The following CELSR3 variants were observed in gnomAD, a reference collection of about 807,000 sequenced individuals.
The protein encoded by CELSR3 is EGF-like protein 1.
In CELSR3, 73 loss-of-function variants were observed where a neutral mutation model predicts 270.0. That is an observed-to-expected ratio of 0.27 (90% CI 0.22 to 0.33). The LOEUF (loss-of-function observed/expected upper bound fraction) is 0.33, where lower values mean the gene tolerates loss of function less well. Ranked by LOEUF, CELSR3 falls within the 10% of genes least tolerant of loss-of-function variation. The probability of loss-of-function intolerance (pLI) is 1.00; values close to 1 mark genes in which losing one functional copy is unlikely to be tolerated. For synonymous variants in CELSR3, 1,780 were observed against 1,905.4 expected (o/e 0.93, Z 1.71); for missense variants, 3,614 against 4,533.8 (o/e 0.80, Z 5.83).
At position 48,657,343 on chromosome 3, in the gene CELSR3, G is replaced by A. The variant is rs952520669; in HGVS notation, c.3754C>T (p.Leu1252=). ...ASMLVTVTDG[L]HSVTAQCVLR... is the part of the protein sequence containing the mutation. ...ACACACTGCGCCGTCACGCTGTGCA[G>A]GCCATCTGCAGGCGGGGGCAGGGGC... Residue 1252 remains leucine, a synonymous_variant, in exon 2 of 35, where the codon CTG becomes TTG. Transcript: ENST00000164024. The surrounding 1 kb of genome is among the most constrained non-coding windows in gnomAD (Gnocchi z 5.4). 3.1e-6 allele frequency: 5 copies of A among 1,593,574 alleles called. No individual in the cohort carries two copies. The highest frequency in any genetic ancestry group is 4.3e-6 in the Non-Finnish European group (5 of 1,169,400).
chr3:48,655,925 G>T lies in CELSR3; in HGVS notation c.4626-74C>A. 1 of 1,276,338 alleles carries T rather than the reference G, an allele frequency of 7.8e-7. No homozygotes were observed. The highest frequency in any genetic ancestry group is 1.1e-6 in the Non-Finnish European group (1 of 900,446). The allele number at this position is 1,276,338 out of a possible 1,614,324, so 79.1% of individuals were successfully genotyped here. The stretch of plus-strand genomic sequence containing the variant: ...GTACCACTTCACACCCACCATCCCT[G>T]CGAGGAGAAGGGGCTGGGGCGAGAG... On this transcript the variant is annotated intron_variant, in intron 3 of 34. Coordinates refer to ENST00000164024, the MANE Select transcript of CELSR3 (RefSeq NM_001407.3). This position sits in a 1 kb window ranked among gnomAD's most constrained non-coding sequence, Gnocchi z 5.8.
chr3:48,660,240 G>A lies in CELSR3; in HGVS notation c.2395C>T (p.Arg799Trp), dbSNP rs1349601468. ...TGGGTGCTGATGGCAAAGCGATTCC[G>A]GGTGTTGCCGCCTGTGATCTGGTAG... is the stretch of plus-strand genomic sequence containing the variant. Reference protein sequence around the residue: ...ISYQITGGNTRNRFAISTQGG... With the variant: ...ISYQITGGNTWNRFAISTQGG... The change falls in exon 1 of 35, where the codon CGG becomes TGG. Residue 799 changes from arginine (R) to tryptophan (W), a missense_variant. Transcript: ENST00000164024. This position sits in a 1 kb window ranked among gnomAD's most constrained non-coding sequence, Gnocchi z 5.5. 5 of 1,614,134 alleles carry A rather than the reference G, an allele frequency of 3.1e-6. No individual in the cohort carries two copies. The highest frequency in any genetic ancestry group is 4.2e-6 in the Non-Finnish European group (5 of 1,180,036).
rs746438164 is a variant in CELSR3, at chr3:48,645,786, G to A, written c.7546C>T (p.Arg2516Trp). Residue 2516 changes from arginine to tryptophan, a missense_variant, in exon 23 of 35, where the codon CGG (arginine) becomes TGG (tryptophan). By Grantham distance (101) the Arg-to-Trp change is moderately radical. Around this residue, in one of 7 missense-constraint regions of CELSR3, gnomAD observed 1,240 missense variants for 1,351.7 expected, o/e 0.92. Transcript: ENST00000164024. The surrounding 1 kb of genome is among the most constrained non-coding windows in gnomAD (Gnocchi z 5.4). Reference protein sequence around the residue: ...NGSHARCRCSRTGTFGVLMDA... With the variant: ...NGSHARCRCSWTGTFGVLMDA... ...ATGAGGACCCCAAAGGTCCCTGTCC[G>A]GCTGCAGCGACACCGTGCGTGGGAC... is the stretch of plus-strand genomic sequence containing the variant. 13 of 1,611,808 alleles carry A rather than the reference G, an allele frequency of 8.1e-6. No individual in the cohort carries two copies. Among genetic ancestry groups the A allele is most frequent in the East Asian group, 4.5e-5 (2 of 44,848 alleles).
Position 48,655,525 on chromosome 3 carries a change from G to C in CELSR3, c.4742-131C>G. 2 of 996,906 alleles carry C rather than the reference G, an allele frequency of 2.0e-6. No homozygotes were observed. Among genetic ancestry groups the C allele is most frequent in the Non-Finnish European group, 3.1e-6 (2 of 646,760 alleles). The allele number at this position is 996,906 out of a possible 1,614,324, so 61.8% of individuals were successfully genotyped here. ...AGTCCCCCCACTGGTGACCACAATG[G>C]CTGGCTCAGAGTGCCTTTGAACAGA... On this transcript the variant is annotated intron_variant, in intron 4 of 34. Coordinates refer to ENST00000164024, the MANE Select transcript of CELSR3 (RefSeq NM_001407.3). This position sits in a 1 kb window ranked among gnomAD's most constrained non-coding sequence, Gnocchi z 5.8.
rs778090405 is a variant in CELSR3, at chr3:48,659,521, G to C, written c.3114C>G (p.Tyr1038Ter). The C allele has an allele frequency of 6.2e-7, 1 of 1,614,200 alleles. No individual in the cohort carries two copies. Among genetic ancestry groups the C allele is most frequent in the Non-Finnish European group, 8.5e-7 (1 of 1,180,036 alleles). The part of the protein sequence containing the change: ...EAVSVYELTA[Y>*]AVDRGVPPLR... ...GTGGGGGCACACCTCTGTCCACTGC[G>C]TAGGCAGTCAACTCATACACTGATA... Residue 1038 changes from tyrosine (Y) to a stop codon, truncating the protein, a stop_gained, in exon 1 of 35, where the codon TAC becomes TAG. Transcript: ENST00000164024. LOFTEE classifies it high-confidence loss of function. The surrounding 1 kb of genome is among the most constrained non-coding windows in gnomAD (Gnocchi z 8.1).
Position 48,641,024 on chromosome 3 carries a change from A to C in CELSR3, c.9025+300T>G. ...TCCAGATCAGAGCACGGGCTCTGGG[A>C]TCTGGGTGGGGGGCAGGGGGAAGCA... On this transcript the variant is annotated intron_variant, in intron 33 of 34. Coordinates refer to ENST00000164024, the MANE Select transcript of CELSR3 (RefSeq NM_001407.3). The surrounding 1 kb of genome is among the most constrained non-coding windows in gnomAD (Gnocchi z 4.8). 2 of 403,470 alleles carry C rather than the reference A, an allele frequency of 5.0e-6. No individual in the cohort carries two copies. Among genetic ancestry groups the C allele is most frequent in the East Asian group, 4.6e-5 (1 of 21,654 alleles). The allele number at this position is 403,470 out of a possible 1,614,324, so 25.0% of individuals were successfully genotyped here.
Position 48,642,546 on chromosome 3 carries a change from C to T in CELSR3, c.8556-79G>A. ...GGAGGCTGGAGTGTCTTTGAGTGCA[C>T]AGCCAGCTGCGGGTGGAATGGCATC... On this transcript the variant is annotated intron_variant, in intron 30 of 34. Transcript: ENST00000164024. The surrounding 1 kb of genome is among the most constrained non-coding windows in gnomAD (Gnocchi z 6.1). The T allele has an allele frequency of 1.3e-6, 2 of 1,486,320 alleles. No individual in the cohort carries two copies. The highest frequency in any genetic ancestry group is 1.3e-5 in the South Asian group (1 of 79,596). 92.1% of individuals were successfully genotyped at this position (1,486,320 alleles called of 1,614,324 possible).
chr3:48,644,614 GCC>G lies in CELSR3; in HGVS notation c.8085+100_8085+101del. 1.1e-6 allele frequency: 1 copy of G among 891,796 alleles called. No individual in the cohort carries two copies. The highest frequency in any genetic ancestry group is 1.7e-5 in the African/African-American group (1 of 59,728). The allele number at this position is 891,796 out of a possible 1,614,324, so 55.2% of individuals were successfully genotyped here. A position where few individuals can be genotyped will look rare whatever the true frequency, so the allele number is the denominator to read the frequency against. On this transcript the variant is annotated intron_variant, in intron 26 of 34. Coordinates refer to ENST00000164024, the MANE Select transcript of CELSR3 (RefSeq NM_001407.3). The surrounding 1 kb of genome is among the most constrained non-coding windows in gnomAD (Gnocchi z 4.8). Reference sequence around the variant, plus strand: ...AAAAAATGAAGGCCGAGCCCAGGAAGCCTGCAGAATGCCACCTGACCGCCCTC... The same window carrying G: ...AAAAAATGAAGGCCGAGCCCAGGAAGTGCAGAATGCCACCTGACCGCCCTC...
rs775574469 is a variant in CELSR3, at chr3:48,641,482, C to T, written c.8867G>A (p.Gly2956Glu). Residue 2956 changes from glycine to glutamate, a missense_variant, in exon 33 of 35, where the codon GGG becomes GAG. Physicochemically the swap from Gly to Glu is moderately conservative, Grantham distance 98 (BLOSUM62 -2). Around this residue, in one of 7 missense-constraint regions of CELSR3, gnomAD observed 1,240 missense variants for 1,351.7 expected, o/e 0.92. Coordinates refer to ENST00000164024, the MANE Select transcript of CELSR3 (RefSeq NM_001407.3). This position sits in a 1 kb window ranked among gnomAD's most constrained non-coding sequence, Gnocchi z 4.8. ...NDLLSYWPAL[G>E]ECEAAPCALQ... ...AGCACAGGGGGCTGCCTCGCACTCC[C>T]CCAGGGCTGGCCAGTAGGACAGGAG... 1.1e-5 allele frequency: 18 copies of T among 1,612,314 alleles called. No individual in the cohort carries two copies. Among genetic ancestry groups the T allele is most frequent in the Non-Finnish European group, 1.5e-5 (18 of 1,179,896 alleles).
chr3:48,652,119 C>T lies in CELSR3; in HGVS notation c.5752-71G>A. The T allele has an allele frequency of 7.2e-7, 1 of 1,394,184 alleles. No homozygotes were observed. The highest frequency in any genetic ancestry group is 9.5e-7 in the Non-Finnish European group (1 of 1,054,728). 86.4% of individuals were successfully genotyped at this position (1,394,184 alleles called of 1,614,324 possible). ...TCAGCCTCAAGTACTGCAGAGCCAGCCACCCGGTCTGATGATCCTTGACAT... is the reference window on the plus strand; with the variant it reads ...TCAGCCTCAAGTACTGCAGAGCCAGTCACCCGGTCTGATGATCCTTGACAT... On this transcript the variant is annotated intron_variant, in intron 11 of 34. Transcript: ENST00000164024. The surrounding 1 kb of genome is among the most constrained non-coding windows in gnomAD (Gnocchi z 4.3).
chr3:48,659,625 C>T lies in CELSR3; in HGVS notation c.3010G>A (p.Glu1004Lys), dbSNP rs754362154. 1 of 1,614,224 alleles carries T rather than the reference C, an allele frequency of 6.2e-7. No homozygotes were observed. Among genetic ancestry groups the T allele is most frequent in the South Asian group, 1.1e-5 (1 of 91,086 alleles). The change falls in exon 1 of 35, where the codon GAA becomes AAA. Residue 1004 changes from glutamate (E) to lysine (K), a missense_variant. Transcript: ENST00000164024. The surrounding 1 kb of genome is among the most constrained non-coding windows in gnomAD (Gnocchi z 8.1). ...ATGGTAAAATCTCCATCCCCATCTTCACCATTCTGGAAAGTGTACTGGACC... is the reference window on the plus strand; with the variant it reads ...ATGGTAAAATCTCCATCCCCATCTTTACCATTCTGGAAAGTGTACTGGACC... The part of the protein sequence containing the change: ...GRVQYTFQNG[E>K]DGDGDFTIEP...
Position 48,646,988 on chromosome 3 carries a change from C to T in CELSR3, c.7130-60G>A. The T allele has an allele frequency of 6.9e-7, 1 of 1,439,964 alleles. No homozygotes were observed. Among genetic ancestry groups the T allele is most frequent in the Non-Finnish European group, 9.2e-7 (1 of 1,090,990 alleles). The allele number at this position is 1,439,964 out of a possible 1,614,324, so 89.2% of individuals were successfully genotyped here. ...CCTTTGACCCAAAGCACCCACCAAC[C>T]CAGCTCTGAACCCGATCAAGCATGG... On this transcript the variant is annotated intron_variant, in intron 20 of 34. Transcript: ENST00000164024. This position sits in a 1 kb window ranked among gnomAD's most constrained non-coding sequence, Gnocchi z 4.8.
rs1229227425 is a variant in CELSR3, at chr3:48,654,677, G to A, written c.4989-225C>T. 1.3e-5 allele frequency among the ~76,000 whole-genome samples: 2 copies of A among 152,092 alleles called. No homozygotes were observed. The highest frequency in any genetic ancestry group is 2.4e-5 in the African/African-American group (1 of 41,406). On this transcript the variant is annotated intron_variant, in intron 6 of 34. Transcript: ENST00000164024. This position sits in a 1 kb window ranked among gnomAD's most constrained non-coding sequence, Gnocchi z 5.4. The stretch of plus-strand genomic sequence containing the variant: ...AAAGGTAGGTGAATGGGGGTTGAGA[G>A]CTATGATGAAAGAATGAGGCATCTG...
Position 48,659,185 on chromosome 3 carries a change from G to C in CELSR3, c.3450C>G (p.Val1150=). 3.1e-6 allele frequency: 5 copies of C among 1,614,208 alleles called. No homozygotes were observed. The highest frequency in any genetic ancestry group is 3.4e-6 in the Non-Finnish European group (4 of 1,180,042). The part of the protein sequence containing the change: ...IVVQATSAPL[V]SRATVHVRLV... ...GGCGGACGTGCACAGTGGCCCGGCT[G>C]ACCAAAGGAGCAGATGTGGCCTGCA... The change falls in exon 1 of 35, where the codon GTC becomes GTG. Residue 1150 remains valine (V), a synonymous_variant. Transcript: ENST00000164024. This position sits in a 1 kb window ranked among gnomAD's most constrained non-coding sequence, Gnocchi z 8.1.
At chr3:48,648,208 G>T in intron 19 of CELSR3, 58 bp downstream of exon 19, 1 of 1,565,458 alleles carries the variant, frequency 6.4e-7, no homozygotes. Flanking sequence ...AGACCTTCAG[G>T]TACCTGCCCT....
chr3:48,648,348 G>T lies in CELSR3; in HGVS notation c.6891C>A (p.His2297Gln), dbSNP rs1287464882. 1.2e-6 allele frequency: 2 copies of T among 1,612,408 alleles called. No homozygotes were observed. Among genetic ancestry groups the T allele is most frequent in the Non-Finnish European group, 1.7e-6 (2 of 1,179,804 alleles). ...CGAGTGTGGCTGCATACTCCTCCAG[G>T]TGCCTCACCAGTCCCGCGCTGCCTG... The part of the protein sequence containing the change: ...GSPGSAGLVR[H>Q]LEEYAATLAR... The change falls in exon 19 of 35, where the codon CAC becomes CAA. Residue 2297 changes from histidine (H) to glutamine (Q), a missense_variant. Physicochemically the swap from His to Gln is conservative, Grantham distance 24 (BLOSUM62 0). Coordinates refer to ENST00000164024, the MANE Select transcript of CELSR3 (RefSeq NM_001407.3).
Position 48,646,327 on chromosome 3 carries a change from T to TGG in CELSR3, c.7296-71_7296-70insCC. ...TGCTCAGCCTGCTTGCCTCACCCCG[T>TGG]CTTCATGCCACTCGCCAGGGCTGAC... On this transcript the variant is annotated intron_variant, in intron 21 of 34. Transcript: ENST00000164024. The surrounding 1 kb of genome is among the most constrained non-coding windows in gnomAD (Gnocchi z 4.8). The TGG allele has an allele frequency of 6.7e-7, 1 of 1,491,020 alleles. No homozygotes were observed. The highest frequency in any genetic ancestry group is 2.4e-5 in the East Asian group (1 of 41,794). The allele number at this position is 1,491,020 out of a possible 1,614,324, so 92.4% of individuals were successfully genotyped here. A position where few individuals can be genotyped will look rare whatever the true frequency, so the allele number is the denominator to read the frequency against.
Position 48,645,866 on chromosome 3 carries a change from G to A in CELSR3, c.7466C>T (p.Ala2489Val), listed in dbSNP as rs770815502. The A allele has an allele frequency of 2.0e-5, 32 of 1,594,404 alleles. No homozygotes were observed. Among genetic ancestry groups the A allele is most frequent in the South Asian group, 4.4e-5 (4 of 90,712 alleles). Residue 2489 changes from alanine (A) to valine (V), a missense_variant and splice_region_variant, in exon 23 of 35, where the codon GCG (alanine) becomes GTG (valine). Around this residue, in one of 7 missense-constraint regions of CELSR3, gnomAD observed 1,240 missense variants for 1,351.7 expected, o/e 0.92. Coordinates refer to ENST00000164024, the MANE Select transcript of CELSR3 (RefSeq NM_001407.3). This position sits in a 1 kb window ranked among gnomAD's most constrained non-coding sequence, Gnocchi z 5.4. The part of the protein sequence containing the change: ...ICVQWDPPGL[A>V]EQHGVWTARD... ...TGCTGTCCACACACCATGCTGCTCC[G>A]CCCTGCAGCCACAGGGCAGTTAGAC...
At chr3:48,648,236 G>T (rs767302690) in intron 19 of CELSR3, 30 bp downstream of exon 19, 1 of 1,546,284 alleles carries the variant, frequency 6.5e-7, no homozygotes, top group Non-Finnish European at 8.9e-7. Context: ...CCCCCCTGCT[G>T]TGCCCCGCCC....
Sources: allele counts gnomAD v4.1 joint callset (sites outside exome capture counted in the v4.1 genomes callset), GRCh38; gene constraint gnomAD v4.1.1; regional missense constraint gnomAD v4.1.1; non-coding constraint Gnocchi (gnomAD v3.1); transcripts MANE v1.5; gene names NCBI Gene and HGNC (gene_info 2026-07-23, HGNC 2026-07-21).